Variants in PSIP1 observed in about 807,000 individuals in gnomAD.
PSIP1 encodes PC4 and SFRS1-interacting protein.
In PSIP1, 19 loss-of-function variants were observed where a neutral mutation model predicts 74.7. The ratio of observed to expected loss-of-function variants is 0.25; its 90% confidence interval spans 0.18 to 0.37. The LOEUF (loss-of-function observed/expected upper bound fraction) is 0.37, where lower values mean the gene tolerates loss of function less well. PSIP1 is among the 10% of genes least tolerant of loss of function. The pLI, the probability that PSIP1 is intolerant of heterozygous loss-of-function variation, is 1.00. For missense variants in PSIP1, 601 were observed against 614.3 expected, an observed-to-expected ratio of 0.98 and a Z score of 0.23; for synonymous variants, 222 against 195.3, an observed-to-expected ratio of 1.14 and a Z score of -1.14.
At chr9:15,501,951 A>C (rs1586857978) in intron 3 of PSIP1, among the ~76,000 whole-genome samples, 1 of 151,436 alleles carries the variant, frequency 6.6e-6, no homozygotes, top group Non-Finnish European at 1.5e-5. Flanking sequence ...GCCTGTTAGG[A>C]ACCACGCTAC....
chr9:15,474,307 A>G (rs1025500964), intron 8 of PSIP1, 70 bp from the exon 9 acceptor site: 108 of 1,326,214 alleles, frequency 8.1e-5, no homozygotes, highest in Middle Eastern at 2.2e-4. Context: ...TCAGTAAGCT[A>G]TAATTTTTAA....
chr9:15,510,182 G>T lies in PSIP1; in HGVS notation c.7C>A (p.Arg3Ser), dbSNP rs772863448. The change falls in exon 2 of 16, where the codon CGC (arginine) becomes AGC (serine). Residue 3 changes from arginine (R) to serine (S), a missense_variant. Arg to Ser is a moderately radical substitution (Grantham distance 110, BLOSUM62 -1). Transcript: ENST00000380733. Reference sequence around the variant, plus strand: ...ATGAGGTCTCCAGGTTTGAAATCGCGAGTCATGTTTCGGGGGCGAGACCGG... The same window carrying T: ...ATGAGGTCTCCAGGTTTGAAATCGCTAGTCATGTTTCGGGGGCGAGACCGG... MT[R>S]DFKPGDLIFA... 36 of 1,604,612 alleles carry T rather than the reference G, an allele frequency of 2.2e-5. No homozygotes were observed. In the African/African-American group the frequency reaches 3.1e-4, roughly 14 times the overall value.
chr9:15,465,661 A>AGAC, intron 15 of PSIP1, 81 bp from the exon 16 acceptor site: 1 of 1,205,110 alleles, frequency 8.3e-7, no homozygotes, highest in Non-Finnish European at 1.2e-6. Context: ...TCTGCATTAT[A>AGAC]TTTTTAAACC....
chr9:15,487,679 G>T (rs2036614344), intron 4 of PSIP1, among the ~76,000 whole-genome samples: 1 of 152,190 alleles, frequency 6.6e-6, no homozygotes. Context: ...TTAGACAGAT[G>T]TCTTCCCATC....
chr9:15,503,614 A>G (rs1237752168), intron 3 of PSIP1, among the ~76,000 whole-genome samples: 1 of 151,730 alleles, frequency 6.6e-6, no homozygotes, highest in Non-Finnish European at 1.5e-5. Context: ...GTCAACTATG[A>G]TCGCCGCTGT....
intron 14 of PSIP1, among the ~76,000 whole-genome samples, chr9:15,467,342 TA>T (rs2035681817): frequency 6.6e-6 from 1 of 152,226 alleles, no homozygotes; most frequent in Admixed American, 6.5e-5. Flanking sequence ...GTCGTATTAA[TA>T]ATTCTCTAAG....
intron 10 of PSIP1, chr9:15,471,747 T>A (rs2035839785): frequency 1.0e-6 from 1 of 962,544 alleles, no homozygotes; most frequent in Non-Finnish European, 1.2e-6. Flanking sequence ...GACTTTGGCT[T>A]ACGGATATAT....
chr9:15,488,485 T>G (rs1012741413), intron 4 of PSIP1, among the ~76,000 whole-genome samples: 7 of 152,176 alleles, frequency 4.6e-5, no homozygotes, highest in African/African-American at 1.7e-4. Flanking sequence ...CCCAATTATC[T>G]TCATAAAGAC....
chr9:15,486,125 A>T, intron 5 of PSIP1, 57 bp from the exon 6 acceptor site: 1 of 1,383,754 alleles, frequency 7.2e-7, no homozygotes, highest in East Asian at 2.3e-5. Context: ...AATGAAAGAA[A>T]CCTTGTTAAA....
chr9:15,469,967 G>A lies in PSIP1; in HGVS notation c.1004C>T (p.Pro335Leu), dbSNP rs1174245428. 1 of 1,607,700 alleles carries A rather than the reference G, an allele frequency of 6.2e-7. No homozygotes were observed. The highest frequency in any genetic ancestry group is 8.5e-7 in the Non-Finnish European group (1 of 1,178,242). ...EQQNKDEGKK[P>L]EVKKVEKKRE... ...CTTCTTCTCCACTTTCTTAACTTCT[G>A]GCTTCTTTCCTTCATCTTTATTCTG... The change falls in exon 11 of 16, where the codon CCA (proline) becomes CTA (leucine). Residue 335 changes from proline to leucine, a missense_variant. Coordinates refer to ENST00000380733, the MANE Select transcript of PSIP1 (RefSeq NM_033222.5).
chr9:15,481,931 T>C (rs1040730868), intron 6 of PSIP1, among the ~76,000 whole-genome samples: 5 of 152,166 alleles, frequency 3.3e-5, no homozygotes, highest in Non-Finnish European at 5.9e-5. Context: ...ACGAAACATA[T>C]ATATTTAAAA....
chr9:15,471,988 C>G (rs1417491289), intron 10 of PSIP1: 1 of 973,726 alleles, frequency 1.0e-6, no homozygotes, highest in Non-Finnish European at 1.2e-6. Flanking sequence ...AATAAAGACA[C>G]GAAGTCTGTT....
At chr9:15,509,648 G>C (rs77999755) in intron 2 of PSIP1, among the ~76,000 whole-genome samples, 1 of 152,196 alleles carries the variant, frequency 6.6e-6, no homozygotes, top group African/African-American at 2.4e-5. Flanking sequence ...GCCTCATCAA[G>C]TACAAGGTAT....
At position 15,484,972 on chromosome 9, in the gene PSIP1, T is replaced by TA. The variant is rs2036497978; in HGVS notation, c.456+1033dup. Among the ~76,000 whole-genome samples, 4 of 149,696 alleles carry TA rather than the reference T, an allele frequency of 2.7e-5. No individual in the cohort carries two copies. In the South Asian group the frequency reaches 6.3e-4, roughly 24 times the overall value. The stretch of plus-strand genomic sequence containing the variant: ...GGTGGCACACTTCTACAGTCCCAGC[T>TA]ATTAGGGAGGGTAAGATGGGAAAAT... On this transcript the variant is annotated intron_variant, in intron 6 of 15. Transcript: ENST00000380733.
At position 15,468,945 on chromosome 9, in the gene PSIP1, G is replaced by A; in HGVS notation, c.1206+12C>T. 6.2e-7 allele frequency: 1 copy of A among 1,611,238 alleles called. No individual in the cohort carries two copies. On this transcript the variant is annotated intron_variant, in intron 13 of 15. Transcript: ENST00000380733. ...AAAATTCAAAGAATCCACATGACTT[G>A]AAATCACTTACTTTTTTCAGTGTAG... is the stretch of plus-strand genomic sequence containing the variant.
chr9:15,509,817 T>A (rs550084355), intron 2 of PSIP1, among the ~76,000 whole-genome samples: 1 of 152,222 alleles, frequency 6.6e-6, no homozygotes, highest in Non-Finnish European at 1.5e-5. Context: ...AAATTCACTC[T>A]TCATTATTTC....
At chr9:15,487,779 G>C (rs560983285) in intron 4 of PSIP1, among the ~76,000 whole-genome samples, 2 of 152,154 alleles carry the variant, frequency 1.3e-5, no homozygotes, top group South Asian at 2.1e-4. Flanking sequence ...GTACATGCTG[G>C]GCACACAGGA....
intron 8 of PSIP1, among the ~76,000 whole-genome samples, chr9:15,477,423 A>C (rs772984247): frequency 6.6e-6 from 1 of 152,162 alleles, no homozygotes; most frequent in Non-Finnish European, 1.5e-5. Context: ...TTTGAAAGTA[A>C]ATACAGACTG....
chr9:15,509,330 A>G (rs2037742263), intron 2 of PSIP1, among the ~76,000 whole-genome samples: 1 of 152,220 alleles, frequency 6.6e-6, no homozygotes, highest in African/African-American at 2.4e-5. Context: ...GGGTACCACC[A>G]TAAACAAAAA....
Sources: gnomAD v4.1 joint callset for allele counts (sites outside exome capture counted in the v4.1 genomes callset) on GRCh38, gnomAD v4.1.1 for gene constraint, MANE v1.5 for transcripts, NCBI Gene and HGNC (gene_info 2026-07-23, HGNC 2026-07-21) for gene names.